The following TBC1D22A variants were observed in gnomAD, a reference collection of about 807,000 sequenced individuals.
The protein encoded by TBC1D22A is TBC1 domain family member 22A, also known as putative GTPase activator.
In TBC1D22A, 38 loss-of-function variants were observed where a neutral mutation model predicts 60.2. The observed-to-expected ratio is 0.63, with a 90% CI of 0.49 to 0.83. The LOEUF (loss-of-function observed/expected upper bound fraction) is 0.83. Among genes scored for constraint, TBC1D22A ranks in the 40% least tolerant of loss-of-function variants. The probability of loss-of-function intolerance (pLI) is 0.00; values close to 1 mark genes in which losing one functional copy is unlikely to be tolerated. For synonymous variants in TBC1D22A, 302 were observed against 281.7 expected (o/e 1.07, Z -0.72); for missense variants, 628 against 701.0 (o/e 0.90, Z 1.18).
At chr22:46,947,309 T>C (rs2072608428) in intron 8 of TBC1D22A, among the ~76,000 whole-genome samples, 1 of 152,112 alleles carries the variant, frequency 6.6e-6, no homozygotes, top group African/African-American at 2.4e-5. Flanking sequence ...TGAAGTCGAA[T>C]GGCTAAGGGT....
At chr22:46,783,644 A>AT (rs1235123405) in intron 1 of TBC1D22A, among the ~76,000 whole-genome samples, 1 of 122,928 alleles carries the variant, frequency 8.1e-6, no homozygotes, top group Admixed American at 8.0e-5. Flanking sequence ...ATCATTTCGC[A>AT]TTTAAAAAAT....
intron 12 of TBC1D22A, among the ~76,000 whole-genome samples, chr22:47,151,672 A>G (rs1367001665): frequency 6.6e-6 from 1 of 152,118 alleles, no homozygotes; most frequent in Non-Finnish European, 1.5e-5. Flanking sequence ...GGGAGGTTCC[A>G]TGAGTCATTT....
In TBC1D22A at chr22:46,878,730, C is replaced by A; in HGVS notation, c.708+7C>A. On this transcript the variant is annotated splice_region_variant and intron_variant, in intron 5 of 12. Coordinates refer to ENST00000337137, the MANE Select transcript of TBC1D22A (RefSeq NM_014346.5). ...GACGTGGAAGCTCCTCTCAGTAAGTCCCACCGCACCGCCCATCAGCGCCTC... is the reference window on the plus strand; with the variant it reads ...GACGTGGAAGCTCCTCTCAGTAAGTACCACCGCACCGCCCATCAGCGCCTC... The A allele has an allele frequency of 6.2e-7, 1 of 1,612,722 alleles. No individual in the cohort carries two copies. The highest frequency in any genetic ancestry group is 2.2e-5 in the East Asian group (1 of 44,872).
intron 12 of TBC1D22A, among the ~76,000 whole-genome samples, chr22:47,162,863 C>G (rs377310943): frequency 1.3e-4 from 20 of 152,050 alleles, no homozygotes; most frequent in East Asian, 1.2e-3. Flanking sequence ...GGTGTAGGCA[C>G]TTCCTCGTGG....
At chr22:47,029,203 C>T in intron 10 of TBC1D22A, among the ~76,000 whole-genome samples, 1 of 146,258 alleles carries the variant, frequency 6.8e-6, no homozygotes, top group Admixed American at 6.7e-5. Context: ...GGCCCGGGGA[C>T]ACAGCGCTTC....
At chr22:46,770,957 G>A (rs981963781) in intron 1 of TBC1D22A, among the ~76,000 whole-genome samples, 1 of 152,130 alleles carries the variant, frequency 6.6e-6, no homozygotes, top group African/African-American at 2.4e-5. Flanking sequence ...CGGGGGCCGC[G>A]GAAGAGCTGG....
intron 4 of TBC1D22A, among the ~76,000 whole-genome samples, chr22:46,831,692 G>T (rs2086315839): frequency 6.6e-6 from 1 of 152,160 alleles, no homozygotes; most frequent in South Asian, 2.1e-4. Context: ...TGCCCAGCGG[G>T]CTCTGGCAGA....
chr22:47,087,555 A>G (rs981733393), intron 11 of TBC1D22A, among the ~76,000 whole-genome samples: 2 of 152,348 alleles, frequency 1.3e-5, no homozygotes, highest in South Asian at 2.1e-4. Context: ...AAGAATTGCA[A>G]AAGTTCTCAA....
At chr22:46,791,026 G>A (rs2084382279) in intron 1 of TBC1D22A, among the ~76,000 whole-genome samples, 1 of 152,078 alleles carries the variant, frequency 6.6e-6, no homozygotes, top group Non-Finnish European at 1.5e-5. Flanking sequence ...AGGCTCAAGC[G>A]ATCATCCGGC....
chr22:46,810,338 C>T (rs913299128), intron 4 of TBC1D22A, among the ~76,000 whole-genome samples: 6 of 152,092 alleles, frequency 3.9e-5, no homozygotes, highest in African/African-American at 4.8e-5. Context: ...CACACATATT[C>T]GAGTAGATTT....
chr22:47,035,085 C>T (rs140550), intron 10 of TBC1D22A, among the ~76,000 whole-genome samples: 52,448 of 151,954 alleles, frequency 0.35, 9,921 homozygotes, highest in African/African-American at 0.49. Flanking sequence ...GTGTAGTCTG[C>T]GCCAGACCTC....
chr22:46,993,048 C>T (rs2075003209), intron 9 of TBC1D22A, among the ~76,000 whole-genome samples: 2 of 152,126 alleles, frequency 1.3e-5, no homozygotes, highest in African/African-American at 4.8e-5. Context: ...GATCCCTGGT[C>T]CAGGTGGAAG....
chr22:47,141,930 G>T (rs2067100661), intron 12 of TBC1D22A, among the ~76,000 whole-genome samples: 1 of 152,212 alleles, frequency 6.6e-6, no homozygotes, highest in African/African-American at 2.4e-5. Flanking sequence ...TGTCTGGCAT[G>T]AAACGTATTT....
intron 12 of TBC1D22A, among the ~76,000 whole-genome samples, chr22:47,150,587 T>TG (rs542314013): frequency 1.5e-3 from 234 of 152,352 alleles, no homozygotes; most frequent in African/African-American, 5.4e-3. Context: ...CCTGGGTGCC[T>TG]GGGCCTTCTC....
At chr22:47,103,629 C>T (rs528466888) in intron 11 of TBC1D22A, among the ~76,000 whole-genome samples, 2 of 152,284 alleles carry the variant, frequency 1.3e-5, no homozygotes, top group South Asian at 2.1e-4. Context: ...AGAGGGCTGA[C>T]GTGCCCAGAG....
chr22:46,960,863 C>T (rs1602677054), intron 8 of TBC1D22A, among the ~76,000 whole-genome samples: 1 of 147,442 alleles, frequency 6.8e-6, no homozygotes, highest in Admixed American at 6.9e-5. Flanking sequence ...AGGAGAATGG[C>T]GTGAACCCAG....
chr22:47,074,390 G>A (rs1164772247), intron 11 of TBC1D22A, among the ~76,000 whole-genome samples: 1 of 152,208 alleles, frequency 6.6e-6, no homozygotes, highest in Admixed American at 6.5e-5. Flanking sequence ...TTTCCACTTG[G>A]AAATGTCACC....
intron 12 of TBC1D22A, among the ~76,000 whole-genome samples, chr22:47,146,063 C>T (rs116316888): frequency 1.9e-3 from 279 of 148,524 alleles, no homozygotes; most frequent in African/African-American, 5.4e-3. Flanking sequence ...GCTGGCCTGT[C>T]CCGTGCTGTT....
rs1239942063 is a variant in TBC1D22A at position 46,926,347 on chromosome 22, C to CAG, written c.1015+14171_1015+14172dup. The stretch of plus-strand genomic sequence containing the variant: ...GAAACAGACTTGTAGCTAGACTGAC[C>CAG]AGAGAGAGAGAGAAAACTCAAGTTA... On this transcript the variant is annotated intron_variant, in intron 8 of 12. Transcript: ENST00000337137. 6.6e-5 allele frequency among the ~76,000 whole-genome samples: 10 copies of CAG among 151,720 alleles called. No homozygotes were observed. In the East Asian group the frequency reaches 1.7e-3, roughly 26 times the overall value.
Sources: allele counts gnomAD v4.1 joint callset (sites outside exome capture counted in the v4.1 genomes callset), GRCh38; gene constraint gnomAD v4.1.1; transcripts MANE v1.5; gene names NCBI Gene and HGNC (gene_info 2026-07-23, HGNC 2026-07-21).